PDZD2: variants seen among roughly 807,000 people sequenced by gnomAD.
PDZD2 encodes the protein PDZ domain-containing protein 2.
In PDZD2, 90 loss-of-function variants were observed where a neutral mutation model predicts 220.7. The ratio of observed to expected loss-of-function variants is 0.41; its 90% confidence interval spans 0.34 to 0.49. PDZD2 has a LOEUF of 0.49. Among genes scored for constraint, PDZD2 ranks in the 20% least tolerant of loss-of-function variants. PDZD2 has a pLI of 0.28. For synonymous variants in PDZD2, 1,375 were observed against 1,450.5 expected (o/e 0.95, Z 1.18); for missense variants, 3,174 against 3,608.5 (o/e 0.88, Z 3.08).
intron 2 of PDZD2, chr5:31,854,924 T>A: frequency 1.1e-6 from 1 of 929,772 alleles, no homozygotes; most frequent in South Asian, 4.9e-5. Context: ...GAGGGGGGGG[T>A]CCTCCCACAG....
In PDZD2 at chr5:31,647,772, G is replaced by T. The variant is rs138871747; in HGVS notation, c.-361+8335G>T. ...AGGACACATTTGCAGGTTTTGGGAT[G>T]TGGGTATATCTTTTGGGGAGCTACT... On this transcript the variant is annotated intron_variant, in intron 1 of 24. Coordinates refer to ENST00000438447, the MANE Select transcript of PDZD2 (RefSeq NM_178140.4). Among the ~76,000 whole-genome samples the T allele has an allele frequency of 3.1e-3, 478 of 152,318 alleles. 1 individual carries two copies. The highest frequency in any genetic ancestry group is 0.011 in the African/African-American group (457 of 41,558).
intron 1 of PDZD2, among the ~76,000 whole-genome samples, chr5:31,729,396 C>A (rs1479448196): frequency 6.6e-6 from 1 of 152,110 alleles, no homozygotes; most frequent in African/African-American, 2.4e-5. Context: ...CGTGCCCGGC[C>A]GAGAGATAGA....
At chr5:31,667,371 G>A (rs1379775873) in intron 1 of PDZD2, among the ~76,000 whole-genome samples, 3 of 152,056 alleles carry the variant, frequency 2.0e-5, no homozygotes, top group African/African-American at 7.2e-5. Flanking sequence ...TCTAGGAGGT[G>A]GGAGGACAGA....
At chr5:31,912,660 G>A (rs762503035) in intron 2 of PDZD2, among the ~76,000 whole-genome samples, 3 of 152,218 alleles carry the variant, frequency 2.0e-5, no homozygotes, top group Non-Finnish European at 4.4e-5. Flanking sequence ...ATGGCTAACA[G>A]TGGGACTAAC....
intron 1 of PDZD2, among the ~76,000 whole-genome samples, chr5:31,700,288 C>G (rs1213014853): frequency 6.6e-6 from 1 of 151,780 alleles, no homozygotes; most frequent in Non-Finnish European, 1.5e-5. Context: ...TTTCAGGAGG[C>G]AGGAGGGAGG....
At chr5:31,770,102 T>A (rs908915175) in intron 1 of PDZD2, among the ~76,000 whole-genome samples, 2 of 152,210 alleles carry the variant, frequency 1.3e-5, no homozygotes, top group Non-Finnish European at 2.9e-5. Flanking sequence ...GAGTTCTGCA[T>A]AATCACAAAG....
intron 1 of PDZD2, among the ~76,000 whole-genome samples, chr5:31,701,207 T>TA (rs1561392268): frequency 4.0e-5 from 4 of 99,316 alleles, no homozygotes; most frequent in African/African-American, 1.8e-4. Context: ...ATATATATAT[T>TA]TTTTTTTGAG....
At chr5:32,040,516 C>T (rs191088016) in intron 7 of PDZD2, among the ~76,000 whole-genome samples, 1 of 149,010 alleles carries the variant, frequency 6.7e-6, no homozygotes, top group Non-Finnish European at 1.5e-5. Context: ...GCCCGGCTGC[C>T]CCGTCTGGGA....
chr5:31,826,258 C>G (rs1369778029), intron 2 of PDZD2, among the ~76,000 whole-genome samples: 1 of 152,116 alleles, frequency 6.6e-6, no homozygotes, highest in East Asian at 1.9e-4. Context: ...AGTTTTTGTT[C>G]TCTACCTTGC....
intron 2 of PDZD2, among the ~76,000 whole-genome samples, chr5:31,850,202 AAG>A (rs1371874919): frequency 1.6e-5 from 2 of 127,410 alleles, no homozygotes; most frequent in Middle Eastern, 3.8e-3. Flanking sequence ...ATGTATATAT[AAG>A]TATATATGTG....
At chr5:31,866,251 G>C (rs552069425) in intron 2 of PDZD2, among the ~76,000 whole-genome samples, 2 of 151,754 alleles carry the variant, frequency 1.3e-5, no homozygotes, top group African/African-American at 4.8e-5. Flanking sequence ...GGCCTGCCTC[G>C]GCCTCTGAAA....
At chr5:31,991,195 A>C (rs1441365821) in intron 3 of PDZD2, among the ~76,000 whole-genome samples, 1 of 152,214 alleles carries the variant, frequency 6.6e-6, no homozygotes, top group Non-Finnish European at 1.5e-5. Context: ...ATCACAGCCT[A>C]TGTTTTTTAA....
In PDZD2 at chr5:32,000,785, C is replaced by T. The variant is rs146987783; in HGVS notation, c.1254+514C>T. On this transcript the variant is annotated intron_variant, in intron 5 of 24. Coordinates refer to ENST00000438447, the MANE Select transcript of PDZD2 (RefSeq NM_178140.4). The surrounding 1 kb of genome is among the most constrained non-coding windows in gnomAD (Gnocchi z 4.5). ...TCAGCTTCCCAAAGTGCTGGGATTA[C>T]AGGCGTGAGCCACCATGCCTGGCCC... is the stretch of plus-strand genomic sequence containing the variant. Among the ~76,000 whole-genome samples, 1,357 of 152,342 alleles carry T rather than the reference C, an allele frequency of 8.9e-3. 6 individuals are homozygous for T. The highest frequency in any genetic ancestry group is 0.02 in the Middle Eastern group (6 of 294).
chr5:31,716,473 G>C (rs1455560899), intron 1 of PDZD2, among the ~76,000 whole-genome samples: 1 of 152,170 alleles, frequency 6.6e-6, no homozygotes, highest in South Asian at 2.1e-4. Context: ...TTGAGGCAAG[G>C]AATGGGCAAG....
chr5:32,002,292 G>A (rs1752194337), intron 5 of PDZD2, among the ~76,000 whole-genome samples: 1 of 152,066 alleles, frequency 6.6e-6, no homozygotes, highest in Non-Finnish European at 1.5e-5. Context: ...TGAGACCACT[G>A]TCCATTCATA....
chr5:32,050,848 A>G (rs1285049750), intron 8 of PDZD2, among the ~76,000 whole-genome samples: 2 of 152,100 alleles, frequency 1.3e-5, no homozygotes, highest in Non-Finnish European at 2.9e-5. Flanking sequence ...ATAAATAAAT[A>G]AGTATTATCT....
chr5:31,725,843 T>C (rs1749094344), intron 1 of PDZD2: 2 of 799,472 alleles, frequency 2.5e-6, no homozygotes, highest in Admixed American at 1.7e-5. Context: ...ATTGCCGGAA[T>C]GGCTTCTGCT....
chr5:32,085,832 G>A (rs1742394331), intron 19 of PDZD2, among the ~76,000 whole-genome samples: 1 of 151,040 alleles, frequency 6.6e-6, no homozygotes, highest in Non-Finnish European at 1.5e-5. Context: ...GTCCTTTGTG[G>A]TTCCATGCAC....
intron 1 of PDZD2, chr5:31,754,249 G>A (rs900947326): frequency 2.6e-5 from 4 of 152,250 alleles, no homozygotes; most frequent in African/African-American, 7.2e-5. Flanking sequence ...GGACAGCTGA[G>A]GGACCTGTGC....
Sources: allele counts gnomAD v4.1 joint callset (sites outside exome capture counted in the v4.1 genomes callset), GRCh38; gene constraint gnomAD v4.1.1; non-coding constraint Gnocchi (gnomAD v3.1); transcripts MANE v1.5; gene names NCBI Gene and HGNC (gene_info 2026-07-23, HGNC 2026-07-21).